Variants in HCK observed in about 807,000 individuals in gnomAD.
The protein encoded by HCK is HCK proto-oncogene, Src family tyrosine kinase.
Under a neutral mutation model 70.4 loss-of-function variants are expected in HCK, and 40 were observed. The observed-to-expected ratio is 0.57, with a 90% confidence interval of 0.44 to 0.74. The LOEUF is 0.74. Ranked by LOEUF, HCK falls within the 30% of genes least tolerant of loss-of-function variation. The pLI, the probability that HCK is intolerant of heterozygous loss-of-function variation, is 0.00. For synonymous variants in HCK, 245 were observed against 263.2 expected (o/e 0.93, Z 0.67); for missense variants, 568 against 697.2 (o/e 0.81, Z 2.09).
At chr20:32,088,703 A>G (rs2045824162) in intron 10 of HCK, 59 bp downstream of exon 10, 2 of 1,254,862 alleles carry the variant, frequency 1.6e-6, no homozygotes, top group African/African-American at 1.5e-5. Flanking sequence ...TTTACTTGCC[A>G]AATATTTACT....
intron 1 of HCK, among the ~76,000 whole-genome samples, chr20:32,067,578 T>G (rs1346552068): frequency 1.5e-5 from 2 of 132,812 alleles, no homozygotes; most frequent in Non-Finnish European, 3.1e-5. Flanking sequence ...GCTCAGACAC[T>G]TTTACTTCCT....
chr20:32,085,033 C>T (rs242608), intron 8 of HCK, among the ~76,000 whole-genome samples: 44,285 of 152,150 alleles, frequency 0.29, 6,967 homozygotes, highest in African/African-American at 0.4. Flanking sequence ...AAGAACAACA[C>T]TGCCTGCTTT....
In HCK at chr20:32,086,655, C is replaced by T; in HGVS notation, c.863C>T (p.Ala288Val). ...ACCTACAACAAGCACACCAAGGTGGCAGTGAAGACGATGAAGCCAGGGAGC... is the reference window on the plus strand; with the variant it reads ...ACCTACAACAAGCACACCAAGGTGGTAGTGAAGACGATGAAGCCAGGGAGC... The change falls in exon 9 of 13, where the codon GCA becomes GTA. Residue 288 changes from alanine (A) to valine (V), a missense_variant. By Grantham distance (64) the Ala-to-Val change is moderately conservative (BLOSUM62 0). Coordinates refer to ENST00000375852, the MANE Select transcript of HCK (RefSeq NM_002110.5). 3.7e-6 allele frequency: 6 copies of T among 1,612,580 alleles called. No homozygotes were observed. Among genetic ancestry groups the T allele is most frequent in the Non-Finnish European group, 5.1e-6 (6 of 1,179,324 alleles).
Position 32,052,502 on chromosome 20 carries a change from AG to A in HCK, c.62+20del. On this transcript the variant is annotated intron_variant, in intron 1 of 12. Transcript: ENST00000375852. ...GGGCGCCCAGGTGAGTGCCGCGCAC[AG>A]GGGACCGGGAATACCCGGCCCGCGA... The A allele has an allele frequency of 7.9e-7, 1 of 1,264,002 alleles. No homozygotes were observed. Among genetic ancestry groups the A allele is most frequent in the Non-Finnish European group, 1.0e-6 (1 of 996,546 alleles). The allele number at this position is 1,264,002 out of a possible 1,614,324, so 78.3% of individuals were successfully genotyped here. A position where few individuals can be genotyped will look rare whatever the true frequency, so the allele number is the denominator to read the frequency against.
chr20:32,071,758 G>A lies in HCK; in HGVS notation c.159G>A (p.Pro53=), dbSNP rs202049705. The change falls in exon 2 of 13, where the codon CCG becomes CCA. Residue 53 remains proline, a synonymous_variant. Transcript: ENST00000375852. Reference sequence around the variant, plus strand: ...GCCCACACTGTCCTGTGTACGTGCCGGATCCCACATCCACCATCAAGCCGG... The same window carrying A: ...GCCCACACTGTCCTGTGTACGTGCCAGATCCCACATCCACCATCAAGCCGG... 6.3e-5 allele frequency: 101 copies of A among 1,613,572 alleles called. No homozygotes were observed. The highest frequency in any genetic ancestry group is 7.3e-5 in the Non-Finnish European group (86 of 1,179,852).
At chr20:32,097,585 CATAAATAAATAA>C (rs367698836) in intron 11 of HCK, among the ~76,000 whole-genome samples, 1 of 151,412 alleles carries the variant, frequency 6.6e-6, no homozygotes, top group Non-Finnish European at 1.5e-5. Context: ...TGTCTCAAAA[CATAAATAAATAA>C]ATAAATAAAT....
At chr20:32,060,151 C>A (rs1420976171) in intron 1 of HCK, among the ~76,000 whole-genome samples, 3 of 152,154 alleles carry the variant, frequency 2.0e-5, no homozygotes, top group African/African-American at 7.2e-5. Flanking sequence ...CCTCTCCCAG[C>A]AGAAGCGAGC....
intron 6 of HCK, among the ~76,000 whole-genome samples, chr20:32,083,068 C>A (rs1472191405): frequency 1.3e-5 from 2 of 152,068 alleles, no homozygotes; most frequent in African/African-American, 4.8e-5. Context: ...AATTCATTTT[C>A]TTGCCTTTTT....
chr20:32,077,670 G>A (rs1399288515), intron 5 of HCK, among the ~76,000 whole-genome samples: 6 of 152,108 alleles, frequency 3.9e-5, no homozygotes, highest in Admixed American at 1.3e-4. Flanking sequence ...GGGATTACAG[G>A]CATGCGCCAC....
Position 32,052,605 on chromosome 20 carries a change from G to A in HCK, c.62+119G>A, listed in dbSNP as rs540880646. The A allele has an allele frequency of 1.2e-4, 86 of 724,608 alleles. 1 individual carries two copies. The South Asian group carries it at 3.2e-3, about 27-fold the overall frequency. 44.9% of individuals were successfully genotyped at this position (724,608 alleles called of 1,614,324 possible). A position where few individuals can be genotyped will look rare whatever the true frequency, so the allele number is the denominator to read the frequency against. On this transcript the variant is annotated intron_variant, in intron 1 of 12. Coordinates refer to ENST00000375852, the MANE Select transcript of HCK (RefSeq NM_002110.5). ...GGTGCGGCTGGGGGCAGCGAGGGGA[G>A]ACGGAACGTCGGGGGAGCCGCGGGT...
chr20:32,072,609 T>C (rs570391281), intron 2 of HCK: 1 of 142,228 alleles, frequency 7.0e-6, no homozygotes, highest in South Asian at 2.3e-4. Flanking sequence ...TAGAATGCCA[T>C]AGTTTAGGTG....
At chr20:32,100,774 G>C (rs1292538782) in intron 12 of HCK, among the ~76,000 whole-genome samples, 1 of 152,198 alleles carries the variant, frequency 6.6e-6, no homozygotes, top group African/African-American at 2.4e-5. Flanking sequence ...GTTTTGTCTT[G>C]AGGGTGCACT....
At chr20:32,088,743 A>C in intron 10 of HCK, 99 bp downstream of exon 10, 6 of 838,756 alleles carry the variant, frequency 7.2e-6, no homozygotes, top group Non-Finnish European at 1.2e-5. Context: ...AGCAGTAATA[A>C]TAATGGGTAA....
chr20:32,083,168 T>C (rs1458939424), intron 6 of HCK, among the ~76,000 whole-genome samples: 1 of 152,186 alleles, frequency 6.6e-6, no homozygotes. Flanking sequence ...TCTTCCACTT[T>C]GACCTTCCTA....
rs977825653 is a variant in HCK at position 32,101,367 on chromosome 20, C to T, written c.1429C>T (p.Pro477Ser). The change falls in exon 13 of 13, where the codon CCT becomes TCT. Residue 477 changes from proline (P) to serine (S), a missense_variant. Pro to Ser is a moderately conservative substitution (Grantham distance 74, BLOSUM62 -1). Transcript: ENST00000375852. ...AGCTCTGGAGCGTGGATACCGGATG[C>T]CTCGCCCAGAGAACTGCCCAGAGGA... 5.0e-6 allele frequency: 8 copies of T among 1,614,092 alleles called. No individual in the cohort carries two copies. Among genetic ancestry groups the T allele is most frequent in the Admixed American group, 1.7e-5 (1 of 60,002 alleles).
intron 11 of HCK, among the ~76,000 whole-genome samples, chr20:32,094,307 T>C (rs2045904070): frequency 1.3e-5 from 2 of 152,008 alleles, no homozygotes; most frequent in Non-Finnish European, 2.9e-5. Flanking sequence ...CAGACAAAAA[T>C]GGGGAGGGTA....
chr20:32,076,180 G>T (rs1316956127), intron 5 of HCK, among the ~76,000 whole-genome samples: 2 of 152,094 alleles, frequency 1.3e-5, no homozygotes, highest in Non-Finnish European at 2.9e-5. Flanking sequence ...AAAAAAATTA[G>T]CTGGGTGTGG....
At chr20:32,062,343 T>C (rs1471000134) in intron 1 of HCK, among the ~76,000 whole-genome samples, 1 of 152,234 alleles carries the variant, frequency 6.6e-6, no homozygotes, top group Admixed American at 6.5e-5. Context: ...CAAACTGCCC[T>C]GCCTCCTGCC....
chr20:32,071,867 T>A (rs2045545052), intron 2 of HCK, 85 bp downstream of exon 2: 2 of 1,521,636 alleles, frequency 1.3e-6, no homozygotes, highest in Non-Finnish European at 8.9e-7. Context: ...TTCCCAAGGT[T>A]GGGCAGGGTG....
Sources: gnomAD v4.1 joint callset for allele counts (sites outside exome capture counted in the v4.1 genomes callset) on GRCh38, gnomAD v4.1.1 for gene constraint, MANE v1.5 for transcripts, NCBI Gene and HGNC (gene_info 2026-07-23, HGNC 2026-07-21) for gene names.